The following CLMP variants were observed in gnomAD, a reference collection of about 807,000 sequenced individuals.
CLMP encodes CXADR like cell adhesion molecule, also known as CXADR-like membrane protein.
A neutral mutation model predicts 45.2 loss-of-function variants in CLMP; 27 were observed. That is an observed-to-expected ratio of 0.60 (90% CI 0.44 to 0.82). The LOEUF is 0.82. Ranked by LOEUF, CLMP falls within the 40% of genes least tolerant of loss-of-function variation. The pLI is 0.00. For missense variants in CLMP, 403 were observed against 448.4 expected (o/e 0.90, Z 0.91); for synonymous variants, 167 against 171.4 (o/e 0.97, Z 0.20).
At position 123,142,644 on chromosome 11, in the gene CLMP, G is replaced by A. The variant is rs1313534978; in HGVS notation, c.29-44692C>T. ...TTCTTTTTTTTTTTTTTTTTGAGAC[G>A]GAGTCTCGCTCTGTGCCCAGGCCGG... On this transcript the variant is annotated intron_variant, in intron 1 of 6. Transcript: ENST00000448775. 8.4e-5 allele frequency among the ~76,000 whole-genome samples: 9 copies of A among 107,038 alleles called. 2 individuals are homozygous for A. The East Asian group carries it at 2.6e-3, about 31-fold the overall frequency. 70.2% of individuals were successfully genotyped at this position (107,038 alleles called of 152,430 possible).
chr11:123,191,353 A>T (rs1245628145), intron 1 of CLMP: 2 of 152,206 alleles, frequency 1.3e-5, no homozygotes, highest in Non-Finnish European at 1.5e-5. Flanking sequence ...GACCATCACC[A>T]TTAAAGTGGG....
intron 1 of CLMP, among the ~76,000 whole-genome samples, chr11:123,173,683 A>G (rs1360273508): frequency 6.6e-6 from 1 of 152,186 alleles, no homozygotes; most frequent in Non-Finnish European, 1.5e-5. Context: ...TGTTTTGCAG[A>G]TGAGGAAACT....
chr11:123,136,615 T>G (rs1861076914), intron 1 of CLMP, among the ~76,000 whole-genome samples: 5 of 140,702 alleles, frequency 3.6e-5, no homozygotes, highest in Admixed American at 1.5e-4. Flanking sequence ...TCGCCCAGGC[T>G]GGAGTGCAGT....
At position 123,084,660 on chromosome 11, in the gene CLMP, C is replaced by G; in HGVS notation, c.240G>C (p.Lys80Asn). The G allele has an allele frequency of 6.2e-7, 1 of 1,614,160 alleles. No homozygotes were observed. The highest frequency in any genetic ancestry group is 8.5e-7 in the Non-Finnish European group (1 of 1,179,994). Reference sequence around the variant, plus strand: ...AATTGGAAGCAAAGGCCACTCGGCCCTTCTGTTCCTCAGTCAAGTTATTGT... The same window carrying G: ...AATTGGAAGCAAAGGCCACTCGGCCGTTCTGTTCCTCAGTCAAGTTATTGT... ...HVYNNLTEEQ[K>N]GRVAFASNFL... Residue 80 changes from lysine to asparagine, a missense_variant, in exon 3 of 7, where the codon AAG becomes AAC. By Grantham distance (94) the Lys-to-Asn change is moderately conservative. Coordinates refer to ENST00000448775, the MANE Select transcript of CLMP (RefSeq NM_024769.5).
intron 1 of CLMP, among the ~76,000 whole-genome samples, chr11:123,126,680 A>G (rs1860899910): frequency 1.3e-5 from 2 of 152,034 alleles, no homozygotes; most frequent in Admixed American, 1.3e-4. Context: ...GGTGGATCAC[A>G]AGGTCAGAAG....
rs113190761 is a variant in CLMP at position 123,167,565 on chromosome 11, A to G, written c.28+27348T>C. On this transcript the variant is annotated intron_variant, in intron 1 of 6. Coordinates refer to ENST00000448775, the MANE Select transcript of CLMP (RefSeq NM_024769.5). ...CTCCCAAAGTGCTGGGATTACAGGC[A>G]TGAGCCACCACGCCCCGCCGAAAGA... Among the ~76,000 whole-genome samples the G allele has an allele frequency of 7.3e-3, 1,109 of 152,030 alleles. 13 individuals carry two copies. The highest frequency in any genetic ancestry group is 0.022 in the African/African-American group (905 of 41,486).
intron 1 of CLMP, among the ~76,000 whole-genome samples, chr11:123,125,538 C>G (rs1331516052): frequency 1.2e-5 from 1 of 82,166 alleles, no homozygotes; most frequent in African/African-American, 6.4e-5. Context: ...CTTCCCTCCC[C>G]TTCCCTCCCC....
chr11:123,135,970 C>CA, intron 1 of CLMP: 1 of 560,888 alleles, frequency 1.8e-6, no homozygotes, highest in South Asian at 1.4e-5. Flanking sequence ...CCGGGTATCA[C>CA]AATGTGCTGC....
chr11:123,075,625 G>C (rs1865730068), intron 5 of CLMP, among the ~76,000 whole-genome samples: 1 of 151,840 alleles, frequency 6.6e-6, no homozygotes, highest in South Asian at 2.1e-4. Flanking sequence ...CTGACCTCGT[G>C]ATCCGCCCTC....
intron 1 of CLMP, among the ~76,000 whole-genome samples, chr11:123,173,952 G>T (rs1023206818): frequency 1.3e-5 from 2 of 152,070 alleles, no homozygotes; most frequent in African/African-American, 4.8e-5. Context: ...GCATGGTGGT[G>T]CATACCTGTA....
intron 2 of CLMP, among the ~76,000 whole-genome samples, chr11:123,089,066 C>T (rs1865897170): frequency 6.6e-6 from 1 of 152,190 alleles, no homozygotes; most frequent in Non-Finnish European, 1.5e-5. Context: ...CAAGCACTTT[C>T]AAACTGTTTT....
intron 1 of CLMP, among the ~76,000 whole-genome samples, chr11:123,141,985 C>CT (rs10714246): frequency 0.14 from 17,033 of 117,504 alleles, 1,442 homozygotes; most frequent in Middle Eastern, 0.17. Context: ...TCCCCCCAGC[C>CT]TTTTTTTTTT....
At chr11:123,077,199 A>G (rs1025281668) in intron 5 of CLMP, among the ~76,000 whole-genome samples, 8 of 151,712 alleles carry the variant, frequency 5.3e-5, no homozygotes, top group Non-Finnish European at 1.0e-4. Context: ...GGGTTTCACC[A>G]TGTCAGCCAG....
At chr11:123,168,235 A>T (rs573063172) in intron 1 of CLMP, among the ~76,000 whole-genome samples, 38 of 144,082 alleles carry the variant, frequency 2.6e-4, no homozygotes, top group African/African-American at 9.1e-4. Flanking sequence ...TCCACAAAGC[A>T]GGCTGCAGAG....
chr11:123,186,386 G>A (rs982822156), intron 1 of CLMP, among the ~76,000 whole-genome samples: 6 of 152,148 alleles, frequency 3.9e-5, no homozygotes, highest in African/African-American at 1.2e-4. Context: ...AGTCAAGAGG[G>A]TAGAACCCAG....
chr11:123,170,180 A>G (rs1036674725), intron 1 of CLMP, among the ~76,000 whole-genome samples: 2 of 152,198 alleles, frequency 1.3e-5, no homozygotes, highest in Non-Finnish European at 2.9e-5. Flanking sequence ...GCAAGGAAAT[A>G]TATTTGGGGT....
intron 1 of CLMP, among the ~76,000 whole-genome samples, chr11:123,106,424 T>G (rs948660343): frequency 1.1e-5 from 1 of 90,814 alleles, no homozygotes; most frequent in East Asian, 2.8e-4. Flanking sequence ...TGTGTGTGTG[T>G]GCGCGCGCGC....
intron 1 of CLMP, among the ~76,000 whole-genome samples, chr11:123,189,375 T>C (rs886602077): frequency 6.6e-6 from 1 of 152,222 alleles, no homozygotes. Context: ...CGCAGTGTAT[T>C]CTAGAGAAAG....
chr11:123,111,650 C>T (rs926090412), intron 1 of CLMP, among the ~76,000 whole-genome samples: 4 of 152,132 alleles, frequency 2.6e-5, no homozygotes, highest in Admixed American at 1.3e-4. Flanking sequence ...AACAAGGATT[C>T]TAATGGACAA....
Sources: allele counts gnomAD v4.1 joint callset (sites outside exome capture counted in the v4.1 genomes callset), GRCh38; gene constraint gnomAD v4.1.1; transcripts MANE v1.5; gene names NCBI Gene and HGNC (gene_info 2026-07-23, HGNC 2026-07-21).